The following PCDH9 variants were observed in gnomAD, a reference collection of about 807,000 sequenced individuals.
PCDH9 encodes the protein protocadherin-9.
In PCDH9, 24 loss-of-function variants were observed where a neutral mutation model predicts 70.6. That is an observed-to-expected ratio of 0.34 (90% CI 0.25 to 0.48). The LOEUF (loss-of-function observed/expected upper bound fraction) is 0.48. Among genes scored for constraint, PCDH9 ranks in the 20% least tolerant of loss-of-function variants. The pLI is 0.99. For missense variants in PCDH9, 1,281 were observed against 1,503.6 expected, an observed-to-expected ratio of 0.85 and a Z score of 2.45; for synonymous variants, 562 against 558.5, an observed-to-expected ratio of 1.01 and a Z score of -0.09.
intron 4 of PCDH9, among the ~76,000 whole-genome samples, chr13:66,510,538 G>A (rs528543662): frequency 2.0e-5 from 3 of 152,192 alleles, no homozygotes; most frequent in Non-Finnish European, 4.4e-5. Flanking sequence ...AGGCCCTGGT[G>A]TGTGATGTCC....
chr13:67,207,824 T>C (rs1193082447), intron 2 of PCDH9: 2 of 152,186 alleles, frequency 1.3e-5, no homozygotes, highest in Admixed American at 6.5e-5. Context: ...TAGCAAACCA[T>C]TGAGATTAAT....
intron 4 of PCDH9, among the ~76,000 whole-genome samples, chr13:66,416,726 C>T (rs565064494): frequency 2.6e-4 from 40 of 152,210 alleles, no homozygotes; most frequent in Non-Finnish European, 3.7e-4. Flanking sequence ...AGGGTTCACA[C>T]GTAGAATTTT....
At chr13:67,043,375 T>C (rs1206750807) in intron 2 of PCDH9, among the ~76,000 whole-genome samples, 1 of 152,074 alleles carries the variant, frequency 6.6e-6, no homozygotes, top group African/African-American at 2.4e-5. Context: ...ATTTAAGTGA[T>C]ATGTAGAAGT....
intron 3 of PCDH9, among the ~76,000 whole-genome samples, chr13:66,809,933 A>T (rs188219334): frequency 1.3e-5 from 2 of 152,308 alleles, no homozygotes; most frequent in African/African-American, 4.8e-5. Flanking sequence ...AGCAACATTT[A>T]AAAATAATAC....
intron 2 of PCDH9, among the ~76,000 whole-genome samples, chr13:66,958,303 C>A (rs1313223374): frequency 1.3e-5 from 2 of 152,120 alleles, no homozygotes; most frequent in African/African-American, 2.4e-5. Flanking sequence ...ATGAAAAACA[C>A]GGAATTCTAT....
chr13:67,150,207 A>C (rs1262550670), intron 2 of PCDH9, among the ~76,000 whole-genome samples: 1 of 151,978 alleles, frequency 6.6e-6, no homozygotes, highest in Non-Finnish European at 1.5e-5. Context: ...CTAATTTTTA[A>C]AATATTTTTA....
At chr13:66,746,648 A>G (rs2079368816) in intron 3 of PCDH9, among the ~76,000 whole-genome samples, 1 of 152,200 alleles carries the variant, frequency 6.6e-6, no homozygotes, top group African/African-American at 2.4e-5. Context: ...TGTATAAAAC[A>G]GATTTACAGT....
intron 2 of PCDH9, among the ~76,000 whole-genome samples, chr13:67,034,191 G>A (rs900390259): frequency 5.9e-5 from 9 of 151,952 alleles, no homozygotes; most frequent in African/African-American, 2.2e-4. Flanking sequence ...CACCATATTG[G>A]TCAGGCTGAT....
intron 4 of PCDH9, among the ~76,000 whole-genome samples, chr13:66,621,751 A>G (rs1188581207): frequency 1.3e-5 from 2 of 152,360 alleles, no homozygotes; most frequent in Non-Finnish European, 1.5e-5. Flanking sequence ...TTCTCTCACA[A>G]GTTATTTATC....
intron 4 of PCDH9, among the ~76,000 whole-genome samples, chr13:66,472,211 C>CAAAAAAAAAAAA (rs34935198): frequency 8.9e-6 from 1 of 112,320 alleles, no homozygotes; most frequent in Non-Finnish European, 1.8e-5. Context: ...GACTCCATCT[C>CAAAAAAAAAAAA]AAAAAAAAAA....
chr13:66,744,634 T>C (rs2079330371), intron 3 of PCDH9, among the ~76,000 whole-genome samples: 1 of 152,088 alleles, frequency 6.6e-6, no homozygotes, highest in African/African-American at 2.4e-5. Flanking sequence ...GGATATAATA[T>C]ATACATATAT....
chr13:66,668,225 C>T (rs942957644), intron 3 of PCDH9, among the ~76,000 whole-genome samples: 3 of 152,082 alleles, frequency 2.0e-5, no homozygotes, highest in Non-Finnish European at 2.9e-5. Flanking sequence ...AGGTGAGTGA[C>T]AAGTATATAA....
chr13:66,533,268 A>C (rs954704405), intron 4 of PCDH9, among the ~76,000 whole-genome samples: 5 of 152,160 alleles, frequency 3.3e-5, no homozygotes, highest in Admixed American at 1.3e-4. Flanking sequence ...GATACCATTC[A>C]TACATTGTAC....
At chr13:67,131,912 C>T (rs998957992) in intron 2 of PCDH9, among the ~76,000 whole-genome samples, 4 of 152,128 alleles carry the variant, frequency 2.6e-5, no homozygotes, top group African/African-American at 9.7e-5. Flanking sequence ...TTGTTCTGAT[C>T]ATAGAAGACC....
chr13:66,462,097 T>C (rs1051350448), intron 4 of PCDH9, among the ~76,000 whole-genome samples: 1 of 151,744 alleles, frequency 6.6e-6, no homozygotes, highest in Non-Finnish European at 1.5e-5. Flanking sequence ...TCAGCCATGA[T>C]AGGAATATTT....
At chr13:66,528,401 C>A (rs1035080573) in intron 4 of PCDH9, among the ~76,000 whole-genome samples, 1 of 152,098 alleles carries the variant, frequency 6.6e-6, no homozygotes, top group Non-Finnish European at 1.5e-5. Flanking sequence ...GAGGAAGCTC[C>A]CCGCAATAGT....
intron 2 of PCDH9, among the ~76,000 whole-genome samples, chr13:67,168,419 G>GA (rs1291682754): frequency 6.6e-6 from 1 of 152,092 alleles, no homozygotes; most frequent in Non-Finnish European, 1.5e-5. Context: ...GAATATCAGT[G>GA]ACCTTAAAAA....
intron 2 of PCDH9, among the ~76,000 whole-genome samples, chr13:67,091,967 G>C (rs984416882): frequency 1.3e-5 from 2 of 152,020 alleles, no homozygotes. Flanking sequence ...CAGGTGTGTA[G>C]GTTTTAAGAT....
intron 4 of PCDH9, among the ~76,000 whole-genome samples, chr13:66,576,090 G>C (rs930945764): frequency 6.7e-6 from 1 of 150,076 alleles, no homozygotes; most frequent in African/African-American, 2.5e-5. Context: ...AAAAGGAAAG[G>C]CAAAATTCTT....
Sources: allele counts gnomAD v4.1 joint callset (sites outside exome capture counted in the v4.1 genomes callset), GRCh38; gene constraint gnomAD v4.1.1; transcripts MANE v1.5; gene names NCBI Gene and HGNC (gene_info 2026-07-23, HGNC 2026-07-21).